PRKX: variants seen among roughly 807,000 people sequenced by gnomAD.
PRKX encodes protein kinase cAMP-dependent X-linked catalytic subunit.
Under a neutral mutation model 22.0 loss-of-function variants are expected in PRKX, and 12 were observed. That is an observed-to-expected ratio of 0.54 (90% CI 0.35 to 0.88). The LOEUF (loss-of-function observed/expected upper bound fraction) is 0.88, where lower values mean the gene tolerates loss of function less well. Ranked by LOEUF, PRKX falls within the 40% of genes least tolerant of loss-of-function variation. PRKX has a pLI of 0.01. For synonymous variants in PRKX, 134 were observed against 137.7 expected, an observed-to-expected ratio of 0.97 and a Z score of 0.19; for missense variants, 217 against 308.0, an observed-to-expected ratio of 0.70 and a Z score of 2.21.
In PRKX at chrX:3,636,940, GAAGGAAAGGAAATGA is replaced by G. The variant is rs1926899426; in HGVS notation, c.719+4897_719+4911del. 4.8e-5 allele frequency among the ~76,000 whole-genome samples: 5 copies of G among 104,204 alleles called. No individual in the cohort carries two copies. The South Asian group carries it at 1.8e-3, about 38-fold the overall frequency. The allele number at this position is 104,204 out of a possible 115,157, so 90.5% of individuals were successfully genotyped here. A position where few individuals can be genotyped will look rare whatever the true frequency, so the allele number is the denominator to read the frequency against. ...CGAGGCGGAACAGAAAGGAAAGGAA[GAAGGAAAGGAAATGA>G]AAGGAAAGGAAAGGAAAAAGGGGAA... On this transcript the variant is annotated intron_variant, in intron 4 of 8. Transcript: ENST00000262848.
chrX:3,653,881 T>TATATATATTATATATTATATACTATGTG (rs1927407050), intron 3 of PRKX, among the ~76,000 whole-genome samples: 2 of 61,132 alleles, frequency 3.3e-5, no homozygotes, highest in Non-Finnish European at 5.7e-5. Flanking sequence ...TACTATGTGA[T>TATATATATTATATATTATATACTATGTG]ATATATATTA....
chrX:3,657,800 G>A (rs1234044049), intron 2 of PRKX, among the ~76,000 whole-genome samples: 2 of 111,919 alleles, frequency 1.8e-5, no homozygotes, highest in African/African-American at 3.2e-5. Context: ...GCAGCAATGA[G>A]AGATTGAGGA....
In PRKX at chrX:3,674,833, T is replaced by C. The variant is rs73440518; in HGVS notation, c.167-67A>G. On this transcript the variant is annotated intron_variant, in intron 1 of 8. Transcript: ENST00000262848. ...ACAAAGGAAGAAACCACCACAGCCA[T>C]GCAATCAGCGGGGGGCTGCACCAGG... is the stretch of plus-strand genomic sequence containing the variant. 2.7e-3 allele frequency: 3,094 copies of C among 1,153,148 alleles called. 53 individuals carry two copies. The African/African-American group carries it at 0.047, about 17-fold the overall frequency.
intron 1 of PRKX, among the ~76,000 whole-genome samples, chrX:3,700,031 A>T (rs1461719136): frequency 2.7e-5 from 3 of 111,711 alleles, no homozygotes; most frequent in Non-Finnish European, 3.8e-5. Context: ...AAACTTAAAA[A>T]AAAGCAGAGC....
Position 3,612,251 on chromosome X carries a change from G to A in PRKX, c.1026C>T (p.Asp342=). 4.1e-6 allele frequency: 5 copies of A among 1,210,902 alleles called. No individual in the cohort carries two copies. The highest frequency in any genetic ancestry group is 5.6e-6 in the Non-Finnish European group (5 of 895,244). The change falls in exon 8 of 9, where the codon GAC becomes GAT. Residue 342 remains aspartate, a synonymous_variant. Transcript: ENST00000262848. ...NFETYPENDW[D]TAAPVPQKDL... ...CCTTCTGCGGCACGGGCGCGGCTGT[G>A]TCCCAGTCATTCTCAGGGTAAGTTT...
At chrX:3,676,036 C>T (rs1927946965) in intron 1 of PRKX, among the ~76,000 whole-genome samples, 1 of 111,711 alleles carries the variant, frequency 9.0e-6, no homozygotes, top group Admixed American at 9.6e-5. Context: ...TGAGCCACTG[C>T]AACTGATGCA....
At chrX:3,663,612 C>T (rs1033771833) in intron 2 of PRKX, among the ~76,000 whole-genome samples, 2 of 89,362 alleles carry the variant, frequency 2.2e-5, no homozygotes, top group South Asian at 5.7e-4. Context: ...CTGGATGAGA[C>T]GGCAAGACCA....
At chrX:3,682,931 C>T (rs1223240802) in intron 1 of PRKX, among the ~76,000 whole-genome samples, 8 of 109,264 alleles carry the variant, frequency 7.3e-5, no homozygotes, top group African/African-American at 3.3e-5. Flanking sequence ...AACACAATGA[C>T]GGGTGTTCCT....
At chrX:3,621,911 G>A (rs1270033430) in intron 5 of PRKX, among the ~76,000 whole-genome samples, 1 of 110,864 alleles carries the variant, frequency 9.0e-6, no homozygotes, top group Non-Finnish European at 1.9e-5. Context: ...GGCCGAGGCG[G>A]GTGGATCACT....
intron 1 of PRKX, among the ~76,000 whole-genome samples, chrX:3,709,881 T>C (rs908514878): frequency 6.3e-5 from 7 of 110,727 alleles, no homozygotes; most frequent in African/African-American, 1.3e-4. Flanking sequence ...CTTGACCTCC[T>C]GGGCTCAAGT....
At chrX:3,660,497 ACTCTCTCT>A (rs756238246) in intron 2 of PRKX, among the ~76,000 whole-genome samples, 1 of 109,812 alleles carries the variant, frequency 9.1e-6, no homozygotes, top group African/African-American at 3.3e-5. Flanking sequence ...ATACAAACAC[ACTCTCTCT>A]CTCTCTATCA....
rs1259275827 is a variant in PRKX, at chrX:3,607,870, A to G, written c.*1099T>C. The G allele has an allele frequency of 2.1e-5, 2 of 95,553 alleles. No homozygotes were observed. Among genetic ancestry groups the G allele is most frequent in the African/African-American group, 7.8e-5 (2 of 25,653 alleles). The allele number at this position is 95,553 out of a possible 1,213,427, so 7.9% of individuals were successfully genotyped here. On this transcript the variant is annotated 3_prime_UTR_variant, in exon 9 of 9. Coordinates refer to ENST00000262848, the MANE Select transcript of PRKX (RefSeq NM_005044.5). ...AATCCATCTTCAAAAGCACAAAGCC[A>G]TTGCCTTCTTTTTTTTTTTTTTTTT... is the stretch of plus-strand genomic sequence containing the variant.
At chrX:3,689,828 T>G (rs892342143) in intron 1 of PRKX, among the ~76,000 whole-genome samples, 11 of 111,082 alleles carry the variant, frequency 9.9e-5, no homozygotes, top group Non-Finnish European at 1.7e-4. Context: ...ATACAAAAAA[T>G]TAGCCGAGTG....
chrX:3,711,825 A>G (rs1928795971), intron 1 of PRKX, among the ~76,000 whole-genome samples: 1 of 109,688 alleles, frequency 9.1e-6, no homozygotes, highest in African/African-American at 3.3e-5. Flanking sequence ...AGAGGAGGAG[A>G]AATGCAGAGA....
intron 3 of PRKX, among the ~76,000 whole-genome samples, chrX:3,652,194 G>A (rs1394113696): frequency 2.7e-5 from 3 of 110,457 alleles, no homozygotes; most frequent in Non-Finnish European, 5.7e-5. Context: ...CAAGGTGGGC[G>A]CATCACAAGG....
chrX:3,620,967 A>T (rs1020944925), intron 6 of PRKX, among the ~76,000 whole-genome samples: 1 of 111,592 alleles, frequency 9.0e-6, no homozygotes, highest in African/African-American at 3.3e-5. Flanking sequence ...AAACAAAATA[A>T]TGAGTAATAA....
chrX:3,637,925 CT>C (rs1377047253), intron 4 of PRKX, among the ~76,000 whole-genome samples: 3 of 109,212 alleles, frequency 2.7e-5, no homozygotes, highest in Non-Finnish European at 5.7e-5. Flanking sequence ...CCATGCCTGG[CT>C]TTTTTTTGTA....
rs1213496740 is a variant in PRKX at position 3,713,514 on chromosome X, A to G, written c.-261T>C. The G allele has an allele frequency of 8.3e-5, 18 of 215,800 alleles. No individual in the cohort carries two copies. The allele number at this position is 215,800 out of a possible 1,213,427, so 17.8% of individuals were successfully genotyped here. A position where few individuals can be genotyped will look rare whatever the true frequency, so the allele number is the denominator to read the frequency against. ...GGGGGCGGGCACCGAGTGCGGGACG[A>G]CTGCGGGGAAGGCGGGGGCCGCGGC... On this transcript the variant is annotated 5_prime_UTR_variant, in exon 1 of 9. Coordinates refer to ENST00000262848, the MANE Select transcript of PRKX (RefSeq NM_005044.5).
intron 3 of PRKX, among the ~76,000 whole-genome samples, chrX:3,643,030 AG>A (rs1927114417): frequency 1.1e-5 from 1 of 92,871 alleles, no homozygotes; most frequent in African/African-American, 3.8e-5. Flanking sequence ...AAAAAAAAAA[AG>A]GTGCAAGAGC....
Sources: gnomAD v4.1 joint callset for allele counts (sites outside exome capture counted in the v4.1 genomes callset) on GRCh38, gnomAD v4.1.1 for gene constraint, MANE v1.5 for transcripts, NCBI Gene and HGNC (gene_info 2026-07-23, HGNC 2026-07-21) for gene names.